SLIT2: variants seen among roughly 807,000 people sequenced by gnomAD.
The protein encoded by SLIT2 is slit homolog 2 protein.
Under a neutral mutation model 185.7 loss-of-function variants are expected in SLIT2, and 41 were observed. The observed-to-expected ratio is 0.22, with a 90% CI of 0.17 to 0.29. The LOEUF is 0.29. SLIT2 is among the 10% of genes least tolerant of loss of function. The probability of loss-of-function intolerance (pLI) is 1.00; values close to 1 mark genes in which losing one functional copy is unlikely to be tolerated. For synonymous variants in SLIT2, 693 were observed against 680.2 expected, an observed-to-expected ratio of 1.02 and a Z score of -0.29; for missense variants, 1,571 against 1,909.0, an observed-to-expected ratio of 0.82 and a Z score of 3.30.
chr4:20,280,332 CAAAAAA>C (rs10585964), intron 4 of SLIT2, among the ~76,000 whole-genome samples: 1 of 87,508 alleles, frequency 1.1e-5, no homozygotes, highest in East Asian at 3.6e-4. Context: ...GACTCTGTCT[CAAAAAA>C]AAAAAAAAAA....
intron 7 of SLIT2, 100 bp from the exon 8 acceptor site, chr4:20,488,719 G>T (rs1717491893): frequency 2.5e-6 from 2 of 786,396 alleles, no homozygotes; most frequent in Non-Finnish European, 3.9e-6. Flanking sequence ...ATTGGAATCT[G>T]CTTAGCTTTA....
chr4:20,267,686 G>C (rs1043045178), intron 3 of SLIT2, among the ~76,000 whole-genome samples: 6 of 151,730 alleles, frequency 4.0e-5, no homozygotes, highest in Admixed American at 2.6e-4. Context: ...CAATCAAGGG[G>C]CCCATTTCTG....
chr4:20,372,917 G>A (rs551793648), intron 4 of SLIT2, among the ~76,000 whole-genome samples: 1 of 152,040 alleles, frequency 6.6e-6, no homozygotes, highest in African/African-American at 2.4e-5. Flanking sequence ...ATGGAGAGAA[G>A]TTGCCTTTAA....
chr4:20,597,364 A>G (rs2148960456), intron 32 of SLIT2, among the ~76,000 whole-genome samples: 1 of 152,208 alleles, frequency 6.6e-6, no homozygotes, highest in Non-Finnish European at 1.5e-5. Flanking sequence ...CACTGCGCTC[A>G]GCCAACCAGC....
chr4:20,369,171 A>T (rs1342217476), intron 4 of SLIT2, among the ~76,000 whole-genome samples: 2 of 152,010 alleles, frequency 1.3e-5, no homozygotes, highest in Non-Finnish European at 2.9e-5. Flanking sequence ...CTGAATTCCC[A>T]TGTTCTCATG....
intron 4 of SLIT2, among the ~76,000 whole-genome samples, chr4:20,342,904 T>G (rs1721080093): frequency 6.6e-6 from 1 of 151,670 alleles, no homozygotes; most frequent in Non-Finnish European, 1.5e-5. Context: ...TCTTCCTTCA[T>G]TTTCTTTCTT....
Position 20,472,500 on chromosome 4 carries a change from ATC to A in SLIT2, c.467+4679_467+4680del, listed in dbSNP as rs1560454555. Among the ~76,000 whole-genome samples, 3 of 25,328 alleles carry A rather than the reference ATC, an allele frequency of 1.2e-4. 1 individual carries two copies. Among genetic ancestry groups the A allele is most frequent in the African/African-American group, 7.0e-4 (3 of 4,284 alleles). 16.6% of individuals were successfully genotyped at this position (25,328 alleles called of 152,430 possible). ...GATATATATCTATATATAGATATAT[ATC>A]TATATATAGATAGATATATATCTAT... On this transcript the variant is annotated intron_variant, in intron 5 of 36. Coordinates refer to ENST00000504154, the MANE Select transcript of SLIT2 (RefSeq NM_004787.4).
Position 20,388,206 on chromosome 4 carries a change from T to G in SLIT2, c.396-79546T>G, listed in dbSNP as rs1577555003. On this transcript the variant is annotated intron_variant, in intron 4 of 36. Transcript: ENST00000504154. The stretch of plus-strand genomic sequence containing the variant: ...AGTTCTAAAAAACTAAACTGAAACC[T>G]TGGGCTTCATTAAAATTTAAATCTT... Among the ~76,000 whole-genome samples, 6 of 152,260 alleles carry G rather than the reference T, an allele frequency of 3.9e-5. No individual in the cohort carries two copies. In the South Asian group the frequency reaches 1.2e-3, roughly 32 times the overall value.
At chr4:20,429,938 A>G (rs1482145529) in intron 4 of SLIT2, among the ~76,000 whole-genome samples, 1 of 152,206 alleles carries the variant, frequency 6.6e-6, no homozygotes, top group Non-Finnish European at 1.5e-5. Flanking sequence ...AAATCAATCT[A>G]TGATGTTCTA....
chr4:20,414,739 A>G (rs1378556440), intron 4 of SLIT2, among the ~76,000 whole-genome samples: 1 of 152,096 alleles, frequency 6.6e-6, no homozygotes, highest in Non-Finnish European at 1.5e-5. Flanking sequence ...GTAAACTATT[A>G]ATATTCTTGA....
intron 4 of SLIT2, among the ~76,000 whole-genome samples, chr4:20,296,877 T>C (rs1406685650): frequency 2.0e-5 from 3 of 152,236 alleles, no homozygotes; most frequent in Non-Finnish European, 2.9e-5. Flanking sequence ...CTTCAAATGT[T>C]CTGTTTATGA....
chr4:20,399,686 A>T (rs1046560012), intron 4 of SLIT2, among the ~76,000 whole-genome samples: 1 of 151,780 alleles, frequency 6.6e-6, no homozygotes, highest in African/African-American at 2.4e-5. Context: ...ACAGTCTGGT[A>T]GGTAAGAGTT....
At chr4:20,319,485 T>C (rs1308783882) in intron 4 of SLIT2, among the ~76,000 whole-genome samples, 2 of 152,174 alleles carry the variant, frequency 1.3e-5, no homozygotes, top group Non-Finnish European at 2.9e-5. Context: ...TAGAAAATGA[T>C]GGATGCATCA....
In SLIT2 at chr4:20,432,564, A is replaced by G. The variant is rs147921797; in HGVS notation, c.396-35188A>G. Among the ~76,000 whole-genome samples, 47 of 151,160 alleles carry G rather than the reference A, an allele frequency of 3.1e-4. No homozygotes were observed. In the East Asian group the frequency reaches 8.0e-3, roughly 26 times the overall value. On this transcript the variant is annotated intron_variant, in intron 4 of 36. Transcript: ENST00000504154. ...TAATACTTGGCCACCAGAGGTGTGA[A>G]GCAAAGTGACTTACTTAATTTTAGA...
intron 4 of SLIT2, among the ~76,000 whole-genome samples, chr4:20,326,284 T>A (rs974622025): frequency 3.3e-5 from 5 of 152,092 alleles, no homozygotes; most frequent in African/African-American, 9.7e-5. Flanking sequence ...CTACTGTGTC[T>A]TGTTTATTGT....
chr4:20,465,934 C>T (rs1054179204), intron 4 of SLIT2, among the ~76,000 whole-genome samples: 3 of 148,020 alleles, frequency 2.0e-5, no homozygotes, highest in Admixed American at 6.8e-5. Flanking sequence ...ACACCTCTGC[C>T]GTTTTTATTC....
intron 4 of SLIT2, among the ~76,000 whole-genome samples, chr4:20,358,173 C>T (rs1349698176): frequency 3.3e-5 from 5 of 152,064 alleles, no homozygotes; most frequent in African/African-American, 1.2e-4. Context: ...CATAAGCCTA[C>T]GTGTCCCTTA....
At chr4:20,556,809 G>A (rs1221845805) in intron 26 of SLIT2, among the ~76,000 whole-genome samples, 1 of 152,064 alleles carries the variant, frequency 6.6e-6, no homozygotes, top group Admixed American at 6.6e-5. Context: ...AGCCTCTTGT[G>A]CCAAACAGTT....
chr4:20,450,345 A>T (rs541984721), intron 4 of SLIT2, among the ~76,000 whole-genome samples: 315 of 152,338 alleles, frequency 2.1e-3, no homozygotes, highest in Middle Eastern at 3.4e-3. Flanking sequence ...TTATTGGGAC[A>T]TTAAAAACAG....
Sources: allele counts gnomAD v4.1 joint callset (sites outside exome capture counted in the v4.1 genomes callset), GRCh38; gene constraint gnomAD v4.1.1; transcripts MANE v1.5; gene names NCBI Gene and HGNC (gene_info 2026-07-23, HGNC 2026-07-21).